Variants in SH3RF1 observed in about 807,000 individuals in gnomAD.
The protein encoded by SH3RF1 is SH3 domain containing ring finger 1.
A neutral mutation model predicts 74.0 loss-of-function variants in SH3RF1; 32 were observed. The observed-to-expected ratio is 0.43, with a 90% confidence interval of 0.33 to 0.58. The LOEUF (loss-of-function observed/expected upper bound fraction) is 0.58, where lower values mean the gene tolerates loss of function less well. SH3RF1 is among the 20% of genes least tolerant of loss of function. The pLI, the probability that SH3RF1 is intolerant of heterozygous loss-of-function variation, is 0.05. For missense variants in SH3RF1, 954 were observed against 1,130.9 expected, an observed-to-expected ratio of 0.84 and a Z score of 2.24; for synonymous variants, 396 against 439.6, an observed-to-expected ratio of 0.90 and a Z score of 1.24.
intron 2 of SH3RF1, among the ~76,000 whole-genome samples, chr4:169,188,430 C>T (rs1218025732): frequency 1.3e-5 from 2 of 152,206 alleles, no homozygotes; most frequent in Non-Finnish European, 2.9e-5. Context: ...CAGCTCTGTG[C>T]ACCCTGGACT....
chr4:169,146,992 T>C (rs1310604163), intron 4 of SH3RF1, among the ~76,000 whole-genome samples: 2 of 152,112 alleles, frequency 1.3e-5, no homozygotes, highest in Non-Finnish European at 2.9e-5. Context: ...AATTTAAAAG[T>C]TCAACCCTGA....
intron 2 of SH3RF1, among the ~76,000 whole-genome samples, chr4:169,202,868 T>A (rs965271284): frequency 6.6e-6 from 1 of 152,194 alleles, no homozygotes; most frequent in Non-Finnish European, 1.5e-5. Flanking sequence ...AAAGAAACTT[T>A]AAAAAACTGG....
chr4:169,258,353 T>C (rs978827872), intron 2 of SH3RF1, among the ~76,000 whole-genome samples: 18 of 152,238 alleles, frequency 1.2e-4, no homozygotes, highest in Admixed American at 6.5e-4. Context: ...TGTCACACTT[T>C]GGGGCCTTTA....
At chr4:169,098,920 T>C (rs770203470) in intron 11 of SH3RF1, among the ~76,000 whole-genome samples, 5 of 152,206 alleles carry the variant, frequency 3.3e-5, no homozygotes, top group Non-Finnish European at 5.9e-5. Flanking sequence ...TATGATCATA[T>C]GGCTTAGACA....
intron 2 of SH3RF1, among the ~76,000 whole-genome samples, chr4:169,179,356 G>A (rs1037624741): frequency 2.0e-5 from 3 of 152,176 alleles, no homozygotes; most frequent in Non-Finnish European, 4.4e-5. Flanking sequence ...CCTTGATTTT[G>A]GCCCAGGGAG....
intron 2 of SH3RF1, among the ~76,000 whole-genome samples, chr4:169,264,728 A>G (rs1254894088): frequency 6.6e-6 from 1 of 152,044 alleles, no homozygotes; most frequent in African/African-American, 2.4e-5. Flanking sequence ...CTTCCTATCT[A>G]TCCTACCCAT....
chr4:169,216,854 TA>T (rs1300151509), intron 2 of SH3RF1, among the ~76,000 whole-genome samples: 1 of 152,070 alleles, frequency 6.6e-6, no homozygotes, highest in African/African-American at 2.4e-5. Context: ...CTTCCATTTT[TA>T]AAAAGTGAGT....
chr4:169,106,810 A>G (rs1368997530), intron 11 of SH3RF1, 37 bp downstream of exon 11: 1 of 1,475,148 alleles, frequency 6.8e-7, no homozygotes. Context: ...CCTATTGTTC[A>G]TTTTTTAGTT....
rs142900184 is a variant in SH3RF1, at chr4:169,129,347, G to A, written c.1179+699C>T. On this transcript the variant is annotated intron_variant, in intron 6 of 11. Transcript: ENST00000284637. The stretch of plus-strand genomic sequence containing the variant: ...TAAACAACAGTCTTTCTCTACTACC[G>A]AAGGTTGCATTTGCTTGTTGCTTCC... 1.3e-3 allele frequency among the ~76,000 whole-genome samples: 203 copies of A among 152,278 alleles called. 2 individuals are homozygous for A. Among genetic ancestry groups the A allele is most frequent in the Non-Finnish European group, 2.3e-3 (154 of 68,022 alleles).
At chr4:169,217,653 G>A (rs1209647458) in intron 2 of SH3RF1, among the ~76,000 whole-genome samples, 2 of 152,148 alleles carry the variant, frequency 1.3e-5, no homozygotes, top group Non-Finnish European at 2.9e-5. Flanking sequence ...CTGGCTAGCT[G>A]AGCATCAGAT....
chr4:169,259,526 C>G (rs1213185029), intron 2 of SH3RF1, among the ~76,000 whole-genome samples: 1 of 152,070 alleles, frequency 6.6e-6, no homozygotes. Flanking sequence ...ATATACGCGA[C>G]AAAAGGATTG....
chr4:169,140,985 C>CT (rs35916240), intron 4 of SH3RF1, among the ~76,000 whole-genome samples: 2,525 of 132,608 alleles, frequency 0.019, 49 homozygotes, highest in African/African-American at 0.039. Flanking sequence ...TTTTTCTTTT[C>CT]TTTTTTTTTT....
At chr4:169,112,690 T>C (rs997672610) in intron 10 of SH3RF1, among the ~76,000 whole-genome samples, 7 of 152,074 alleles carry the variant, frequency 4.6e-5, no homozygotes, top group Admixed American at 1.3e-4. Context: ...GAAGAGCCCA[T>C]AACAAAGAAC....
chr4:169,244,860 T>C (rs1730969443), intron 2 of SH3RF1, among the ~76,000 whole-genome samples: 1 of 152,220 alleles, frequency 6.6e-6, no homozygotes, highest in Admixed American at 6.5e-5. Context: ...TTAAAAGTGG[T>C]ATATAAGACT....
At chr4:169,151,324 A>T (rs1177692782) in intron 4 of SH3RF1, among the ~76,000 whole-genome samples, 2 of 152,270 alleles carry the variant, frequency 1.3e-5, no homozygotes, top group Non-Finnish European at 2.9e-5. Context: ...TAATAATAAC[A>T]ATGGTGATAA....
chr4:169,156,593 G>T lies in SH3RF1; in HGVS notation c.480C>A (p.Ile160=), dbSNP rs772767728. The T allele has an allele frequency of 6.2e-7, 1 of 1,613,968 alleles. No homozygotes were observed. The highest frequency in any genetic ancestry group is 1.1e-5 in the South Asian group (1 of 91,074). The change falls in exon 3 of 12, where the codon ATC becomes ATA. Residue 160 remains isoleucine, a synonymous_variant. Coordinates refer to ENST00000284637, the MANE Select transcript of SH3RF1 (RefSeq NM_020870.4). Reference sequence around the variant, plus strand: ...CATCCACTTGTCTTCGCAAAATGATGATGTCACCTTTGCTGAATTTAAGGT... The same window carrying T: ...CATCCACTTGTCTTCGCAAAATGATTATGTCACCTTTGCTGAATTTAAGGT... The part of the protein sequence containing the change: ...PGDLKFSKGD[I]IILRRQVDEN...
At chr4:169,213,630 G>A (rs1163083160) in intron 2 of SH3RF1, among the ~76,000 whole-genome samples, 1 of 152,052 alleles carries the variant, frequency 6.6e-6, no homozygotes, top group African/African-American at 2.4e-5. Flanking sequence ...TTCTCTTCTT[G>A]GAGTTTCATA....
intron 2 of SH3RF1, among the ~76,000 whole-genome samples, chr4:169,255,973 G>A (rs1731187151): frequency 6.6e-6 from 1 of 151,838 alleles, no homozygotes; most frequent in Admixed American, 6.6e-5. Context: ...TTGCTATGTT[G>A]CCCAGGCTGG....
intron 2 of SH3RF1, among the ~76,000 whole-genome samples, chr4:169,172,623 A>G (rs962296900): frequency 1.3e-5 from 2 of 152,186 alleles, no homozygotes; most frequent in Non-Finnish European, 2.9e-5. Context: ...CAAGGGGTCA[A>G]CTATTATGGT....
Sources: allele counts gnomAD v4.1 joint callset (sites outside exome capture counted in the v4.1 genomes callset), GRCh38; gene constraint gnomAD v4.1.1; transcripts MANE v1.5; gene names NCBI Gene and HGNC (gene_info 2026-07-23, HGNC 2026-07-21).